The following STAMBPL1 variants were observed in gnomAD, a reference collection of about 807,000 sequenced individuals.
STAMBPL1 encodes the protein AMSH-like protease.
STAMBPL1 carries 44 observed loss-of-function variants against 52.9 expected under a neutral mutation model. The observed-to-expected ratio is 0.83, with a 90% CI of 0.65 to 1.07. STAMBPL1 has a LOEUF of 1.07. Ranked by LOEUF, STAMBPL1 falls within the 50% of genes least tolerant of loss-of-function variation. STAMBPL1 has a pLI of 0.00. For missense variants in STAMBPL1, 511 were observed against 520.8 expected, an observed-to-expected ratio of 0.98 and a Z score of 0.18; for synonymous variants, 164 against 177.3, an observed-to-expected ratio of 0.92 and a Z score of 0.60.
At chr10:88,912,044 A>G (rs927751088) in intron 5 of STAMBPL1, among the ~76,000 whole-genome samples, 3 of 152,148 alleles carry the variant, frequency 2.0e-5, no homozygotes, top group Non-Finnish European at 4.4e-5. Flanking sequence ...TTCATAGCCT[A>G]CAGTGGTGAC....
At position 88,913,400 on chromosome 10, in the gene STAMBPL1, C is replaced by G. The variant is rs200014710; in HGVS notation, c.720C>G (p.Ser240Arg). The G allele has an allele frequency of 1.9e-6, 3 of 1,613,678 alleles. No individual in the cohort carries two copies. Among genetic ancestry groups the G allele is most frequent in the Non-Finnish European group, 2.5e-6 (3 of 1,179,776 alleles). The change falls in exon 6 of 11, where the codon AGC (serine) becomes AGG (arginine). Residue 240 changes from serine to arginine, a missense_variant. This residue lies in a region of STAMBPL1 where 358 missense variants were observed against 343.5 expected (regional missense o/e 1.04). Transcript: ENST00000371926. ...AAAGTGATGCAACCAATTATGCTAG[C>G]CACTCTCCTCCTGTAAACAGGGCCT... is the stretch of plus-strand genomic sequence containing the variant. ...PNKSDATNYA[S>R]HSPPVNRALT...
rs754829552 is a variant in STAMBPL1, at chr10:88,922,365, G to A, written c.1183G>A (p.Gly395Ser). ...TGGCATCTTCAGGCTCACCAATGCT[G>A]GCATGCTTGAGGTTTCTGCTTGTAA... ...DTGIFRLTNAGMLEVSACKKK... is the reference protein window; with the variant it reads ...DTGIFRLTNASMLEVSACKKK... Residue 395 changes from glycine to serine, a missense_variant, in exon 10 of 11, where the codon GGC (glycine) becomes AGC (serine). By Grantham distance (56) the Gly-to-Ser change is moderately conservative (BLOSUM62 0). Transcript: ENST00000371926. 6.2e-7 allele frequency: 1 copy of A among 1,613,280 alleles called. No homozygotes were observed. Among genetic ancestry groups the A allele is most frequent in the Non-Finnish European group, 8.5e-7 (1 of 1,179,602 alleles).
At chr10:88,894,091 T>C (rs955971631) in intron 1 of STAMBPL1, among the ~76,000 whole-genome samples, 5 of 152,194 alleles carry the variant, frequency 3.3e-5, no homozygotes, top group African/African-American at 1.2e-4. Flanking sequence ...GCACCAAGCA[T>C]TGTGCTATAT....
chr10:88,896,623 ACACCTACTTATCCAGGTCACT>A (rs1379576398), intron 1 of STAMBPL1, among the ~76,000 whole-genome samples: 1 of 152,184 alleles, frequency 6.6e-6, no homozygotes, highest in African/African-American at 2.4e-5. Flanking sequence ...CCAATGGGCC[ACACCTACTTATCCAGGTCACT>A]AGGGCACTCA....
intron 7 of STAMBPL1, 33 bp from the exon 8 acceptor site, chr10:88,916,647 A>G (rs377456620): frequency 1.4e-4 from 212 of 1,541,428 alleles, no homozygotes; most frequent in Admixed American, 2.2e-4. Flanking sequence ...TTTCTGTGAG[A>G]TGCATGTCAT....
At chr10:88,903,892 G>C (rs181215054) in intron 2 of STAMBPL1, among the ~76,000 whole-genome samples, 1 of 152,152 alleles carries the variant, frequency 6.6e-6, no homozygotes, top group African/African-American at 2.4e-5. Flanking sequence ...ATGGGTCTCT[G>C]GTTACATATT....
chr10:88,916,861 A>G (rs1436079839), intron 8 of STAMBPL1, 44 bp downstream of exon 8: 7 of 1,449,250 alleles, frequency 4.8e-6, no homozygotes, highest in Non-Finnish European at 6.4e-6. Flanking sequence ...TGTGTGTGGC[A>G]TGCTATTTTC....
intron 1 of STAMBPL1, chr10:88,893,966 C>A (rs867184564): frequency 2.6e-5 from 4 of 152,068 alleles, no homozygotes; most frequent in African/African-American, 9.7e-5. Context: ...CCCTGAACTC[C>A]TGTGCACTTA....
At chr10:88,903,264 C>T (rs1844991467) in intron 2 of STAMBPL1, among the ~76,000 whole-genome samples, 1 of 152,064 alleles carries the variant, frequency 6.6e-6, no homozygotes, top group Non-Finnish European at 1.5e-5. Context: ...AAGGTCCATT[C>T]AGAAGAGGAA....
chr10:88,893,140 A>T (rs574826316), intron 1 of STAMBPL1, among the ~76,000 whole-genome samples: 1 of 152,244 alleles, frequency 6.6e-6, no homozygotes, highest in Non-Finnish European at 1.5e-5. Flanking sequence ...TAGCAAGTTC[A>T]TATGAATTTG....
At chr10:88,909,581 C>T (rs1046689400) in intron 4 of STAMBPL1, among the ~76,000 whole-genome samples, 2 of 152,024 alleles carry the variant, frequency 1.3e-5, no homozygotes, top group African/African-American at 4.8e-5. Context: ...CAGATTTTGT[C>T]AAATGGTCAT....
At position 88,908,740 on chromosome 10, in the gene STAMBPL1, A is replaced by G; in HGVS notation, c.287A>G (p.Gln96Arg). The change falls in exon 4 of 11, where the codon CAG becomes CGG. Residue 96 changes from glutamine (Q) to arginine (R), a missense_variant. By Grantham distance (43) the Gln-to-Arg change is conservative. This residue lies in a region of STAMBPL1 where 358 missense variants were observed against 343.5 expected (regional missense o/e 1.04). Coordinates refer to ENST00000371926, the MANE Select transcript of STAMBPL1 (RefSeq NM_020799.4). ...VEKLPNHRDY[Q>R]QCAVPEKQDI... ...AAGCTTCCTAACCATCGAGATTACCAGCAATGTGCAGTACCTGAAAAGCAG... is the reference window on the plus strand; with the variant it reads ...AAGCTTCCTAACCATCGAGATTACCGGCAATGTGCAGTACCTGAAAAGCAG... The G allele has an allele frequency of 6.2e-7, 1 of 1,609,872 alleles. No homozygotes were observed. The highest frequency in any genetic ancestry group is 8.5e-7 in the Non-Finnish European group (1 of 1,178,598).
intron 1 of STAMBPL1, among the ~76,000 whole-genome samples, chr10:88,893,404 A>T (rs1472066377): frequency 6.6e-6 from 1 of 152,202 alleles, no homozygotes. Flanking sequence ...AACTACATAT[A>T]CCATGTAGTC....
intron 1 of STAMBPL1, among the ~76,000 whole-genome samples, chr10:88,889,812 G>A (rs1288854255): frequency 1.3e-5 from 2 of 152,110 alleles, no homozygotes; most frequent in Non-Finnish European, 2.9e-5. Flanking sequence ...AAATTTCACC[G>A]AAGTCCTTCT....
intron 7 of STAMBPL1, among the ~76,000 whole-genome samples, chr10:88,916,307 ATC>A (rs1352036013): frequency 6.6e-6 from 1 of 151,694 alleles, no homozygotes; most frequent in African/African-American, 2.4e-5. Flanking sequence ...CTCCAAATAA[ATC>A]TGTCTTTGTT....
intron 1 of STAMBPL1, among the ~76,000 whole-genome samples, chr10:88,890,634 C>T (rs1004569126): frequency 1.3e-5 from 2 of 152,196 alleles, no homozygotes; most frequent in African/African-American, 4.8e-5. Context: ...TGGTACCATC[C>T]ATGGAGATGA....
chr10:88,886,151 C>T (rs945260652), intron 1 of STAMBPL1, among the ~76,000 whole-genome samples: 1 of 152,170 alleles, frequency 6.6e-6, no homozygotes, highest in East Asian at 1.9e-4. Flanking sequence ...TAATAAAAAG[C>T]ATTACTTACA....
Position 88,885,450 on chromosome 10 carries a change from A to G in STAMBPL1, c.-54+4812A>G, listed in dbSNP as rs181274329. Among the ~76,000 whole-genome samples, 13 of 152,286 alleles carry G rather than the reference A, an allele frequency of 8.5e-5. No homozygotes were observed. In the East Asian group the frequency reaches 2.3e-3, roughly 27 times the overall value. On this transcript the variant is annotated intron_variant, in intron 1 of 10. Transcript: ENST00000371926. ...TTCATATATGCTTTGAAAATGGATT[A>G]TTTTCTGGGTCTTTACCCTAACACA...
chr10:88,920,739 C>G (rs943226047), intron 8 of STAMBPL1, among the ~76,000 whole-genome samples: 3 of 152,102 alleles, frequency 2.0e-5, no homozygotes, highest in Admixed American at 6.5e-5. Flanking sequence ...CTTGGAGTCT[C>G]CCATTCTCCC....
Sources: gnomAD v4.1 joint callset for allele counts (sites outside exome capture counted in the v4.1 genomes callset) on GRCh38, gnomAD v4.1.1 for gene constraint, gnomAD v4.1.1 regional missense constraint, MANE v1.5 for transcripts, NCBI Gene and HGNC (gene_info 2026-07-23, HGNC 2026-07-21) for gene names.